The following CYP4F12 variants were observed in gnomAD, a reference collection of about 807,000 sequenced individuals.
CYP4F12 encodes cytochrome P450 4F12.
In CYP4F12, 60 loss-of-function variants were observed where a neutral mutation model predicts 56.5. That is an observed-to-expected ratio of 1.06 (90% CI 0.86 to 1.32). The LOEUF (loss-of-function observed/expected upper bound fraction) is 1.32. Among genes scored for constraint, CYP4F12 ranks in the 40% most tolerant of loss-of-function variants. The probability of loss-of-function intolerance (pLI) is 0.00; values close to 1 mark genes in which losing one functional copy is unlikely to be tolerated. For missense variants in CYP4F12, 711 were observed against 683.5 expected, an observed-to-expected ratio of 1.04 and a Z score of -0.45; for synonymous variants, 263 against 264.9, an observed-to-expected ratio of 0.99 and a Z score of 0.07.
chr19:15,695,848 G>A, intron 9 of CYP4F12, 88 bp from the exon 10 acceptor site: 1 of 1,508,134 alleles, frequency 6.6e-7, no homozygotes. Context: ...TTTGTGATAG[G>A]GAGAAAAGGT....
chr19:15,692,260 C>A (rs889773553), intron 9 of CYP4F12, among the ~76,000 whole-genome samples: 1 of 152,036 alleles, frequency 6.6e-6, no homozygotes. Context: ...GGCAGAGTGG[C>A]TTTTTTTGTT....
At position 15,696,944 on chromosome 19, in the gene CYP4F12, G is replaced by A. The variant is rs2008174280; in HGVS notation, c.1434G>A (p.Met478Ile). The A allele has an allele frequency of 2.5e-6, 4 of 1,614,110 alleles. No homozygotes were observed. Among genetic ancestry groups the A allele is most frequent in the Middle Eastern group, 1.7e-4 (1 of 6,040 alleles). ...CIGQAFAMAE[M>I]KVVLALMLLH... ...GGCAGGCGTTCGCCATGGCGGAGAT[G>A]AAAGTGGTCCTGGCGTTGATGCTGC... is the stretch of plus-strand genomic sequence containing the variant. Residue 478 changes from methionine (M) to isoleucine (I), a missense_variant, in exon 13 of 13, where the codon ATG becomes ATA. Met to Ile is a conservative substitution (Grantham distance 10). Transcript: ENST00000550308.
chr19:15,691,769 T>C (rs571817587), intron 9 of CYP4F12, among the ~76,000 whole-genome samples: 213 of 80,932 alleles, frequency 2.6e-3, no homozygotes, highest in African/African-American at 7.3e-3. Context: ...TTAATTTTTA[T>C]GAAGTTACAT....
At chr19:15,696,747 G>A (rs1054600878) in intron 12 of CYP4F12, among the ~76,000 whole-genome samples, 161 bp from the exon 13 acceptor site, 6 of 152,142 alleles carry the variant, frequency 3.9e-5, no homozygotes, top group African/African-American at 1.2e-4. Flanking sequence ...CCCAGTCTCC[G>A]GGACATACAA....
intron 3 of CYP4F12, 101 bp downstream of exon 3, chr19:15,678,506 A>T (rs62106481): frequency 6.9e-7 from 1 of 1,447,230 alleles, no homozygotes; most frequent in Non-Finnish European, 9.5e-7. Context: ...CCTCATTGAG[A>T]CTTCCTTCTC....
intron 5 of CYP4F12, chr19:15,682,122 G>A: frequency 3.0e-6 from 1 of 330,198 alleles, no homozygotes; most frequent in Non-Finnish European, 5.8e-6. Flanking sequence ...GGGACCTAGA[G>A]GAGGGCAATA....
Position 15,697,110 on chromosome 19 carries a change from T to C in CYP4F12, c.*25T>C. The C allele has an allele frequency of 1.3e-6, 2 of 1,599,594 alleles. No individual in the cohort carries two copies. The highest frequency in any genetic ancestry group is 1.7e-5 in the Admixed American group (1 of 59,360). On this transcript the variant is annotated 3_prime_UTR_variant, in exon 13 of 13. Coordinates refer to ENST00000550308, the MANE Select transcript of CYP4F12 (RefSeq NM_023944.4). ...ACTTTCTGACCCATCCACCTGTTTT[T>C]TTGCAGATTGTCATGAATAAAACGG... is the stretch of plus-strand genomic sequence containing the variant.
chr19:15,688,813 C>G (rs912402175), intron 9 of CYP4F12, among the ~76,000 whole-genome samples: 1 of 152,180 alleles, frequency 6.6e-6, no homozygotes, highest in Non-Finnish European at 1.5e-5. Context: ...CAAATACTTA[C>G]AGCCAACTGA....
intron 7 of CYP4F12, chr19:15,684,517 G>A: frequency 5.8e-6 from 2 of 344,328 alleles, no homozygotes; most frequent in South Asian, 1.0e-4. Context: ...CAGGTTGCCA[G>A]TATCTTTTTC....
In CYP4F12 at chr19:15,682,362, T is replaced by C. The variant is rs1257694413; in HGVS notation, c.526-27T>C. The C allele has an allele frequency of 1.9e-6, 3 of 1,610,084 alleles. No homozygotes were observed. The Admixed American group carries it at 5.0e-5, about 27-fold the overall frequency. On this transcript the variant is annotated intron_variant, in intron 5 of 12. Transcript: ENST00000550308. ...GGGCACAAAGGAGGCAGGGCCCAGC[T>C]CTAGCTCTCTTCCCTTCTCTGGCCA...
chr19:15,673,569 G>T lies in CYP4F12; in HGVS notation c.40G>T (p.Val14Leu). 1 of 1,614,102 alleles carries T rather than the reference G, an allele frequency of 6.2e-7. No homozygotes were observed. The highest frequency in any genetic ancestry group is 1.1e-5 in the South Asian group (1 of 91,086). Residue 14 changes from valine (V) to leucine (L), a missense_variant, in exon 2 of 13, where the codon GTG (valine) becomes TTG (leucine). Physicochemically the swap from Val to Leu is conservative, Grantham distance 32. Transcript: ENST00000550308. ...LSLPWLGLRP[V>L]ATSPWLLLLL... Reference sequence around the variant, plus strand: ...CCTGCCCTGGCTGGGCCTCAGACCGGTGGCAACGTCCCCATGGCTACTCCT... The same window carrying T: ...CCTGCCCTGGCTGGGCCTCAGACCGTTGGCAACGTCCCCATGGCTACTCCT...
chr19:15,688,466 C>G (rs677449), intron 9 of CYP4F12, among the ~76,000 whole-genome samples: 2 of 151,810 alleles, frequency 1.3e-5, no homozygotes, highest in African/African-American at 4.8e-5. Context: ...ATAGATGACA[C>G]AAACCAATGA....
rs1380909765 is a variant in CYP4F12, at chr19:15,696,020, A to G, written c.1200A>G (p.Arg400=). 1 of 1,614,006 alleles carries G rather than the reference A, an allele frequency of 6.2e-7. No individual in the cohort carries two copies. The highest frequency in any genetic ancestry group is 8.5e-7 in the Non-Finnish European group (1 of 1,179,982). The change falls in exon 10 of 13, where the codon CGA becomes CGG. Residue 400 remains arginine, a synonymous_variant. Coordinates refer to ENST00000550308, the MANE Select transcript of CYP4F12 (RefSeq NM_023944.4). ...RLHPPAPFIS[R]CCTQDIVLPD... ...ATCCCCCAGCTCCCTTCATCTCCCG[A>G]TGCTGCACCCAGGACATTGTTCTCC...
intron 5 of CYP4F12, 21 bp from the exon 6 acceptor site, chr19:15,682,368 T>C (rs12463111): frequency 0.01 from 14,416 of 1,433,490 alleles, 113 homozygotes; most frequent in Admixed American, 0.051. Context: ...CAGCTCTAGC[T>C]CTCTTCCCTT....
chr19:15,680,185 A>G, intron 3 of CYP4F12, 59 bp from the exon 4 acceptor site: 1 of 1,549,068 alleles, frequency 6.5e-7, no homozygotes, highest in South Asian at 1.3e-5. Flanking sequence ...GCCTTGCCCT[A>G]TACCTGAAGT....
At chr19:15,687,959 G>A (rs570983856) in intron 9 of CYP4F12, among the ~76,000 whole-genome samples, 33 of 152,292 alleles carry the variant, frequency 2.2e-4, no homozygotes, top group South Asian at 6.2e-4. Flanking sequence ...CTCGAGTGGG[G>A]ATGAACTCCC....
At chr19:15,676,043 T>C (rs376974450) in intron 2 of CYP4F12, among the ~76,000 whole-genome samples, 1 of 152,160 alleles carries the variant, frequency 6.6e-6, no homozygotes. Flanking sequence ...CAGAAAGGCC[T>C]GAGTCCCTGG....
intron 9 of CYP4F12, among the ~76,000 whole-genome samples, chr19:15,689,551 C>T (rs764118801): frequency 2.0e-5 from 3 of 152,136 alleles, no homozygotes; most frequent in Non-Finnish European, 4.4e-5. Flanking sequence ...TAAGGATATT[C>T]CTTAGCGAAC....
At chr19:15,695,168 A>G (rs1010255932) in intron 9 of CYP4F12, among the ~76,000 whole-genome samples, 7 of 152,128 alleles carry the variant, frequency 4.6e-5, no homozygotes, top group African/African-American at 1.7e-4. Context: ...AATACTATGC[A>G]GCCATAAAAA....
Sources: gnomAD v4.1 joint callset for allele counts (sites outside exome capture counted in the v4.1 genomes callset) on GRCh38, gnomAD v4.1.1 for gene constraint, MANE v1.5 for transcripts, NCBI Gene and HGNC (gene_info 2026-07-23, HGNC 2026-07-21) for gene names.